Variants in TOX2 observed in about 807,000 individuals in gnomAD.
The protein encoded by TOX2 is TOX high mobility group box family member 2, also known as granulosa cell HMG box 1.
Under a neutral mutation model 47.4 loss-of-function variants are expected in TOX2, and 15 were observed. The ratio of observed to expected loss-of-function variants is 0.32; its 90% CI spans 0.21 to 0.49. The LOEUF is 0.49. Ranked by LOEUF, TOX2 falls within the 20% of genes least tolerant of loss-of-function variation. The pLI is 0.99. For synonymous variants in TOX2, 290 were observed against 296.6 expected (o/e 0.98, Z 0.23); for missense variants, 622 against 673.1 (o/e 0.92, Z 0.84).
chr20:44,002,435 T>C (rs2070599705), intron 2 of TOX2, among the ~76,000 whole-genome samples: 1 of 152,358 alleles, frequency 6.6e-6, no homozygotes, highest in South Asian at 2.1e-4. Flanking sequence ...CATCACTCAC[T>C]GTGTGCTCAA....
intron 2 of TOX2, among the ~76,000 whole-genome samples, chr20:44,005,656 C>T (rs6031289): frequency 0.72 from 109,664 of 152,140 alleles, 40,267 homozygotes; most frequent in African/African-American, 0.86. Flanking sequence ...GTTTACTATG[C>T]TAACTGAATT....
At chr20:44,037,727 G>T (rs111311020) in intron 3 of TOX2, among the ~76,000 whole-genome samples, 175 of 152,142 alleles carry the variant, frequency 1.2e-3, no homozygotes, top group African/African-American at 3.9e-3. Flanking sequence ...AAACAAAGAC[G>T]TTGGGATCTA....
chr20:43,929,619 G>A (rs913655069), intron 1 of TOX2, among the ~76,000 whole-genome samples: 2 of 152,122 alleles, frequency 1.3e-5, no homozygotes, highest in Non-Finnish European at 2.9e-5. Context: ...CTTCATCCTC[G>A]TCTTCCCAGA....
Position 43,915,486 on chromosome 20 carries a change from G to T in TOX2, c.99+496G>T, listed in dbSNP as rs1261289528. Among the ~76,000 whole-genome samples, 1 of 151,988 alleles carries T rather than the reference G, an allele frequency of 6.6e-6. No homozygotes were observed. Among genetic ancestry groups the T allele is most frequent in the Non-Finnish European group, 1.5e-5 (1 of 67,984 alleles). On this transcript the variant is annotated intron_variant, in intron 1 of 8. Coordinates refer to ENST00000341197, the MANE Select transcript of TOX2 (RefSeq NM_001098797.2). The surrounding 1 kb of genome is among the most constrained non-coding windows in gnomAD (Gnocchi z 7.1). ...GCACAACGGGGGACAGTCACACAAA[G>T]AAGTCGCCCGACAGTCACACTCTCG...
At chr20:43,975,381 T>C (rs1403867811) in intron 2 of TOX2, among the ~76,000 whole-genome samples, 1 of 152,204 alleles carries the variant, frequency 6.6e-6, no homozygotes, top group African/African-American at 2.4e-5. Flanking sequence ...AGCCTTTTTC[T>C]CAATGGTTAT....
intron 3 of TOX2, among the ~76,000 whole-genome samples, chr20:44,041,228 C>T (rs945676118): frequency 2.0e-5 from 3 of 152,096 alleles, no homozygotes; most frequent in Non-Finnish European, 2.9e-5. Flanking sequence ...GGGCTGTTGG[C>T]GTTAAGATGT....
At chr20:44,030,875 C>A (rs960021107) in intron 3 of TOX2, among the ~76,000 whole-genome samples, 1 of 152,176 alleles carries the variant, frequency 6.6e-6, no homozygotes, top group Non-Finnish European at 1.5e-5. Context: ...ACTTTGTAAC[C>A]AGAGCACTAA....
chr20:43,925,008 T>C (rs997256427), intron 1 of TOX2, among the ~76,000 whole-genome samples: 2 of 152,238 alleles, frequency 1.3e-5, no homozygotes, highest in African/African-American at 4.8e-5. Flanking sequence ...TTTTTTATTT[T>C]CCCAGAATTC....
At chr20:43,944,181 G>A (rs141586606) in intron 1 of TOX2, among the ~76,000 whole-genome samples, 1,553 of 152,310 alleles carry the variant, frequency 0.01, 35 homozygotes, top group African/African-American at 0.035. Context: ...TGGTGAGCAC[G>A]CACTGTGTGT....
intron 1 of TOX2, among the ~76,000 whole-genome samples, chr20:43,967,248 AT>A (rs2069872283): frequency 6.6e-6 from 1 of 152,122 alleles, no homozygotes; most frequent in African/African-American, 2.4e-5. Context: ...GAGGTGTTGA[AT>A]TTGAGGTGCT....
intron 4 of TOX2, among the ~76,000 whole-genome samples, chr20:44,054,060 C>T (rs552216993): frequency 2.6e-5 from 4 of 152,194 alleles, no homozygotes; most frequent in African/African-American, 9.6e-5. Flanking sequence ...CTATACAGTC[C>T]GTCTTCTCCT....
intron 1 of TOX2, among the ~76,000 whole-genome samples, chr20:43,924,614 C>T (rs1218032497): frequency 1.3e-5 from 2 of 152,210 alleles, no homozygotes; most frequent in Non-Finnish European, 2.9e-5. Context: ...CTTTGCCTTT[C>T]ACCATCACTG....
chr20:43,935,769 T>G (rs2145333631), intron 1 of TOX2, among the ~76,000 whole-genome samples: 1 of 151,398 alleles, frequency 6.6e-6, no homozygotes, highest in East Asian at 1.9e-4. Context: ...CTCCTGAAAA[T>G]ACAAAAATTT....
At chr20:43,986,144 C>T (rs922322949) in intron 2 of TOX2, among the ~76,000 whole-genome samples, 2 of 152,070 alleles carry the variant, frequency 1.3e-5, no homozygotes, top group African/African-American at 4.8e-5. Context: ...TATACTTGTG[C>T]CATGTGTAAA....
chr20:43,939,026 G>C (rs1172637849), intron 1 of TOX2, among the ~76,000 whole-genome samples: 3 of 152,168 alleles, frequency 2.0e-5, no homozygotes, highest in Non-Finnish European at 4.4e-5. Context: ...GGAGTCGCTG[G>C]CTTCACCTGC....
chr20:44,056,293 TAGGACAGGGGTA>T (rs1016548628), intron 5 of TOX2, among the ~76,000 whole-genome samples: 2 of 152,230 alleles, frequency 1.3e-5, no homozygotes, highest in Non-Finnish European at 2.9e-5. Flanking sequence ...AGCATGTTTG[TAGGACAGGGGTA>T]AGGACTGGGG....
chr20:43,999,537 A>T (rs6103553), intron 2 of TOX2, among the ~76,000 whole-genome samples: 6,343 of 152,272 alleles, frequency 0.042, 389 homozygotes, highest in African/African-American at 0.13. Context: ...AAGGGGAAAA[A>T]CTCCTAAACT....
chr20:44,033,110 A>C (rs2071182692), intron 3 of TOX2, among the ~76,000 whole-genome samples: 1 of 152,202 alleles, frequency 6.6e-6, no homozygotes, highest in Non-Finnish European at 1.5e-5. Context: ...TTTCAGGAGA[A>C]ATTTGTCAGC....
rs376429520 is a variant in TOX2 at position 44,006,569 on chromosome 20, A to G, written c.188A>G (p.Asn63Ser). 86 of 1,613,686 alleles carry G rather than the reference A, an allele frequency of 5.3e-5. No homozygotes were observed. In the African/African-American group the frequency reaches 9.9e-4, roughly 19 times the overall value. ...TSQTYNGQSENNEDYEIPPIT... is the reference protein window; with the variant it reads ...TSQTYNGQSESNEDYEIPPIT... ...TAGACCTACAACGGCCAGAGCGAGA[A>G]CAACGAAGACTATGAGATCCCCCCG... is the stretch of plus-strand genomic sequence containing the variant. Residue 63 changes from asparagine (N) to serine (S), a missense_variant, in exon 3 of 9, where the codon AAC (asparagine) becomes AGC (serine). Asn to Ser is a conservative substitution (Grantham distance 46). Transcript: ENST00000341197.
Sources: allele counts gnomAD v4.1 joint callset (sites outside exome capture counted in the v4.1 genomes callset), GRCh38; gene constraint gnomAD v4.1.1; non-coding constraint Gnocchi (gnomAD v3.1); transcripts MANE v1.5; gene names NCBI Gene and HGNC (gene_info 2026-07-23, HGNC 2026-07-21).